The following BDP1 variants were observed in gnomAD, a reference collection of about 807,000 sequenced individuals.
BDP1 encodes the protein BDP1 general transcription factor IIIB subunit, also known as transcription factor TFIIIB component B'' homolog.
A neutral mutation model predicts 266.6 loss-of-function variants in BDP1; 169 were observed. The ratio of observed to expected loss-of-function variants is 0.63; its 90% CI spans 0.56 to 0.72. BDP1 has a LOEUF of 0.72. BDP1 is among the 30% of genes least tolerant of loss of function. The pLI, the probability that BDP1 is intolerant of heterozygous loss-of-function variation, is 0.00. For synonymous variants in BDP1, 1,090 were observed against 1,022.4 expected, an observed-to-expected ratio of 1.07 and a Z score of -1.26; for missense variants, 3,015 against 3,053.8, an observed-to-expected ratio of 0.99 and a Z score of 0.30.
chr5:71,524,779 C>T (rs1329253362), intron 25 of BDP1, among the ~76,000 whole-genome samples: 2 of 149,882 alleles, frequency 1.3e-5, no homozygotes, highest in African/African-American at 2.4e-5. Context: ...GAGGACCCTG[C>T]GGCCTTCCGC....
At position 71,545,053 on chromosome 5, in the gene BDP1, A is replaced by G; in HGVS notation, c.6578A>G (p.Glu2193Gly). 1 of 1,613,046 alleles carries G rather than the reference A, an allele frequency of 6.2e-7. No homozygotes were observed. Among genetic ancestry groups the G allele is most frequent in the Admixed American group, 1.7e-5 (1 of 59,738 alleles). The change falls in exon 32 of 39, where the codon GAA becomes GGA. Residue 2193 changes from glutamate to glycine, a missense_variant. Physicochemically the swap from Glu to Gly is moderately conservative, Grantham distance 98. This residue lies in a region of BDP1 where 629 missense variants were observed against 632.5 expected (regional missense o/e 0.99). Transcript: ENST00000358731. ...VNLTERNENQ[E>G]ESSQEVHMLS... Reference sequence around the variant, plus strand: ...CTCTCTTTCAGAAACGAAAATCAAGAAGAGAGCTCTCAGGAGGTTCACATG... The same window carrying G: ...CTCTCTTTCAGAAACGAAAATCAAGGAGAGAGCTCTCAGGAGGTTCACATG...
At chr5:71,544,739 G>A (rs150972407) in intron 31 of BDP1, among the ~76,000 whole-genome samples, 21 of 151,990 alleles carry the variant, frequency 1.4e-4, no homozygotes, top group African/African-American at 5.1e-4. Context: ...AATTAGCCGG[G>A]CGTGGTGGCG....
chr5:71,506,823 A>ACACACACACAC (rs377599570), intron 16 of BDP1, among the ~76,000 whole-genome samples: 10 of 141,802 alleles, frequency 7.1e-5, no homozygotes, highest in African/African-American at 2.4e-4. Flanking sequence ...ACACACACAC[A>ACACACACACAC]CCCATATTTT....
intron 8 of BDP1, 43 bp from the exon 9 acceptor site, chr5:71,486,441 T>C: frequency 6.6e-7 from 1 of 1,511,640 alleles, no homozygotes; most frequent in Non-Finnish European, 8.8e-7. Flanking sequence ...AAGTAGCTTT[T>C]AAAAATAAAA....
chr5:71,504,317 A>G lies in BDP1; in HGVS notation c.2242-304A>G, dbSNP rs1235483387. Among the ~76,000 whole-genome samples the G allele has an allele frequency of 6.6e-5, 10 of 152,018 alleles. No homozygotes were observed. In the East Asian group the frequency reaches 1.7e-3, roughly 26 times the overall value. ...AAAAAATTCCCGTGATCTATAATGC[A>G]TTTATAGTAATCAAAAGAATTCAGA... On this transcript the variant is annotated intron_variant, in intron 15 of 38. Transcript: ENST00000358731.
At chr5:71,457,643 T>C (rs2150339088) in intron 1 of BDP1, among the ~76,000 whole-genome samples, 1 of 152,176 alleles carries the variant, frequency 6.6e-6, no homozygotes, top group East Asian at 1.9e-4. Context: ...TCTTTGCTAG[T>C]TGTAAAACTC....
chr5:71,490,666 A>G (rs1249895375), intron 10 of BDP1, among the ~76,000 whole-genome samples: 2 of 152,176 alleles, frequency 1.3e-5, no homozygotes, highest in African/African-American at 4.8e-5. Flanking sequence ...GTTACTAATT[A>G]GTATACTTCT....
chr5:71,497,188 C>G (rs1763946699), intron 12 of BDP1, 82 bp from the exon 13 acceptor site: 2 of 1,295,700 alleles, frequency 1.5e-6, no homozygotes, highest in African/African-American at 1.5e-5. Flanking sequence ...GGAGTTCTTC[C>G]TAATTCTCAG....
Position 71,512,295 on chromosome 5 carries a change from A to C in BDP1, c.4114A>C (p.Asn1372His). The C allele has an allele frequency of 6.3e-7, 1 of 1,593,052 alleles. No individual in the cohort carries two copies. The highest frequency in any genetic ancestry group is 8.5e-7 in the Non-Finnish European group (1 of 1,174,182). ...GCATACACCTGTAGAAGAAAAAAGAAATTCTGAAAAAGAAGTATCAAGTCA... is the reference window on the plus strand; with the variant it reads ...GCATACACCTGTAGAAGAAAAAAGACATTCTGAAAAAGAAGTATCAAGTCA... ...MMHTPVEEKR[N>H]SEKEVSSHFS... is the part of the protein sequence containing the mutation. The change falls in exon 18 of 39, where the codon AAT becomes CAT. Residue 1372 changes from asparagine to histidine, a missense_variant. By Grantham distance (68) the Asn-to-His change is moderately conservative. This residue lies in a region of BDP1 where 2,383 missense variants were observed against 2,404.9 expected (regional missense o/e 0.99). Transcript: ENST00000358731.
intron 7 of BDP1, among the ~76,000 whole-genome samples, chr5:71,470,831 T>TC (rs1259120010): frequency 6.6e-6 from 1 of 151,184 alleles, no homozygotes; most frequent in Non-Finnish European, 1.5e-5. Flanking sequence ...CTCAGGTTAA[T>TC]CCCCCCATCT....
rs715748 is a variant in BDP1 at position 71,510,630 on chromosome 5, G to A, written c.3538G>A (p.Gly1180Ser). The A allele has an allele frequency of 0.48, 771,837 of 1,612,486 alleles. 187,031 individuals are homozygous for A. The highest frequency in any genetic ancestry group is 0.55 in the South Asian group (50,133 of 90,998). The change falls in exon 17 of 39, where the codon GGT (glycine) becomes AGT (serine). Residue 1180 changes from glycine (G) to serine (S), a missense_variant. Gly to Ser is a moderately conservative substitution (Grantham distance 56). This residue lies in a region of BDP1 where 2,383 missense variants were observed against 2,404.9 expected (regional missense o/e 0.99). Transcript: ENST00000358731. ...AGACTTGAAAACAACTGGAAGAGAG[G>A]GTTCCTCAAGGGAGAAGACACGAGA... ...ETDLKTTGRE[G>S]SSREKTREVI...
chr5:71,573,621 T>C, the BDP1 span, among the ~76,000 whole-genome samples: 1 of 152,248 alleles, frequency 6.6e-6, no homozygotes, highest in African/African-American at 2.4e-5. Context: ...TGAACTTGCT[T>C]GTCTGCTAGT....
chr5:71,488,031 G>A (rs1171906990), intron 9 of BDP1, among the ~76,000 whole-genome samples: 1 of 151,970 alleles, frequency 6.6e-6, no homozygotes, highest in Non-Finnish European at 1.5e-5. Flanking sequence ...ATTCTTAGTA[G>A]TCTTTTTTTT....
Position 71,455,804 on chromosome 5 carries a change from C to T in BDP1, c.-74C>T, listed in dbSNP as rs1027489275. On this transcript the variant is annotated 5_prime_UTR_variant, in exon 1 of 39. Coordinates refer to ENST00000358731, the MANE Select transcript of BDP1 (RefSeq NM_018429.3). ...TGGGGAGGGCGTAGTTCCTAATCCC[C>T]TTTCCGGGCAGCCGCCGGGGCTCGG... 7 of 1,363,006 alleles carry T rather than the reference C, an allele frequency of 5.1e-6. No individual in the cohort carries two copies. The highest frequency in any genetic ancestry group is 2.9e-5 in the African/African-American group (2 of 68,844). The allele number at this position is 1,363,006 out of a possible 1,614,324, so 84.4% of individuals were successfully genotyped here.
At chr5:71,525,598 C>A (rs1194517129) in intron 25 of BDP1, among the ~76,000 whole-genome samples, 4 of 86,220 alleles carry the variant, frequency 4.6e-5, no homozygotes, top group Non-Finnish European at 1.1e-4. Flanking sequence ...GCTGACCCCC[C>A]AACCTCCTTC....
chr5:71,490,068 G>T (rs768919864), intron 10 of BDP1, among the ~76,000 whole-genome samples: 6 of 152,128 alleles, frequency 3.9e-5, no homozygotes, highest in Non-Finnish European at 8.8e-5. Flanking sequence ...TCCTATAAAA[G>T]AACTAGTGGA....
chr5:71,486,151 ATAT>A (rs1374681199), intron 8 of BDP1, among the ~76,000 whole-genome samples: 2 of 152,198 alleles, frequency 1.3e-5, no homozygotes, highest in African/African-American at 4.8e-5. Context: ...AGATTCCCTC[ATAT>A]TATTGCATGT....
rs1460728369 is a variant in BDP1 at position 71,541,595 on chromosome 5, A to G, written c.6164A>G (p.Glu2055Gly). The change falls in exon 29 of 39, where the codon GAA (glutamate) becomes GGA (glycine). Residue 2055 changes from glutamate (E) to glycine (G), a missense_variant. Glu to Gly is a moderately conservative substitution (Grantham distance 98). Transcript: ENST00000358731. ...PVITTSPASFEENKIVLEEQS... is the reference protein window; with the variant it reads ...PVITTSPASFGENKIVLEEQS... Reference sequence around the variant, plus strand: ...ATTACTACATCTCCTGCATCATTTGAAGAAAACAAGATTGTATTGGAGGAA... The same window carrying G: ...ATTACTACATCTCCTGCATCATTTGGAGAAAACAAGATTGTATTGGAGGAA... 2 of 1,612,802 alleles carry G rather than the reference A, an allele frequency of 1.2e-6. No homozygotes were observed. Among genetic ancestry groups the G allele is most frequent in the Non-Finnish European group, 1.7e-6 (2 of 1,179,406 alleles).
intron 22 of BDP1, among the ~76,000 whole-genome samples, chr5:71,518,490 G>A (rs1345773598): frequency 2.6e-5 from 4 of 151,996 alleles, no homozygotes; most frequent in Non-Finnish European, 5.9e-5. Flanking sequence ...TCACTGTGTC[G>A]CCCAGGATGG....
Sources: gnomAD v4.1 joint callset for allele counts (sites outside exome capture counted in the v4.1 genomes callset) on GRCh38, gnomAD v4.1.1 for gene constraint, gnomAD v4.1.1 regional missense constraint, MANE v1.5 for transcripts, NCBI Gene and HGNC (gene_info 2026-07-23, HGNC 2026-07-21) for gene names.